OR51B5: variants seen among roughly 807,000 people sequenced by gnomAD.
OR51B5 encodes olfactory receptor 51B5.
For synonymous variants in OR51B5, 186 were observed against 144.8 expected (o/e 1.28, Z -2.04); for missense variants, 456 against 374.6 (o/e 1.22, Z -1.79).
chr11:5,459,076 G>A lies in OR51B5; in HGVS notation n.84+46493C>T, dbSNP rs117381153. 9.2e-5 allele frequency among the ~76,000 whole-genome samples: 14 copies of A among 152,234 alleles called. No homozygotes were observed. The East Asian group carries it at 2.7e-3, about 29-fold the overall frequency. ...CTAGCTTTTGCCCATTTAGTATGAT[G>A]TTGGCTGTTAGTTTCTCATAGACAG... On this transcript the variant is annotated intron_variant and non_coding_transcript_variant, in intron 1 of 4. Transcript: ENST00000415970.
Position 5,368,370 on chromosome 11 carries a change from C to G in OR51B5, n.85-21460G>C, listed in dbSNP as rs547853251. On this transcript the variant is annotated intron_variant and non_coding_transcript_variant, in intron 1 of 4. Coordinates refer to the OR51B5 transcript ENST00000415970. The stretch of plus-strand genomic sequence containing the variant: ...TTTAAGTGGGGATACCAATAGTACC[C>G]ACATGGTTGAATTATTTTAATGATT... Among the ~76,000 whole-genome samples, 6 of 152,176 alleles carry G rather than the reference C, an allele frequency of 3.9e-5. No homozygotes were observed. The East Asian group carries it at 1.2e-3, about 29-fold the overall frequency.
chr11:5,379,938 C>A (rs74729478), intron 1 of OR51B5, among the ~76,000 whole-genome samples: 16,767 of 151,710 alleles, frequency 0.11, 1,041 homozygotes, highest in South Asian at 0.15. Flanking sequence ...CAGATGCAAC[C>A]GCCCGATCTT....
intron 1 of OR51B5, among the ~76,000 whole-genome samples, chr11:5,410,210 G>A (rs935987986): frequency 3.9e-5 from 6 of 152,072 alleles, no homozygotes; most frequent in Non-Finnish European, 8.8e-5. Flanking sequence ...AGGTAAATAT[G>A]TAGAAGAAAG....
chr11:5,488,999 G>A (rs1266819408), intron 1 of OR51B5: 19 of 1,614,068 alleles, frequency 1.2e-5, no homozygotes, highest in Non-Finnish European at 1.6e-5. Flanking sequence ...ATTTCCTTTG[G>A]TGGATGCCTG....
chr11:5,369,096 T>C (rs1326333325), intron 1 of OR51B5, among the ~76,000 whole-genome samples: 1 of 152,152 alleles, frequency 6.6e-6, no homozygotes, highest in Non-Finnish European at 1.5e-5. Flanking sequence ...TTGGGCCACC[T>C]AGAGACATAT....
At chr11:5,498,363 T>A (rs7932480) in intron 1 of OR51B5, among the ~76,000 whole-genome samples, 3,052 of 152,298 alleles carry the variant, frequency 0.02, 109 homozygotes, top group African/African-American at 0.07. Context: ...TTAGCCAGGA[T>A]GTCCCTAACA....
chr11:5,360,884 C>G (rs907445732), intron 1 of OR51B5, among the ~76,000 whole-genome samples: 1 of 151,174 alleles, frequency 6.6e-6, no homozygotes, highest in African/African-American at 2.4e-5. Flanking sequence ...AGCAAACTAT[C>G]GCAAGGACAA....
At chr11:5,380,865 C>T (rs1849597402) in intron 1 of OR51B5, among the ~76,000 whole-genome samples, 1 of 152,120 alleles carries the variant, frequency 6.6e-6, no homozygotes, top group Non-Finnish European at 1.5e-5. Context: ...GCCACATTTT[C>T]TTGTGCCCTG....
At chr11:5,397,777 A>G (rs1404527145) in intron 1 of OR51B5, among the ~76,000 whole-genome samples, 2 of 151,204 alleles carry the variant, frequency 1.3e-5, no homozygotes, top group Middle Eastern at 3.4e-3. Context: ...CACTATTCAC[A>G]ATAGCAAAGA....
chr11:5,478,180 C>G (rs1851347697), intron 1 of OR51B5, among the ~76,000 whole-genome samples: 1 of 151,964 alleles, frequency 6.6e-6, no homozygotes, highest in Non-Finnish European at 1.5e-5. Flanking sequence ...GGGTAGACTG[C>G]CTCCTCAAGT....
intron 1 of OR51B5, chr11:5,403,071 C>G (rs746567967): frequency 4.2e-6 from 2 of 471,628 alleles, no homozygotes; most frequent in South Asian, 3.1e-5. Context: ...GCATTATGCT[C>G]ATGGCTCCGT....
chr11:5,374,195 C>A (rs896862219), intron 1 of OR51B5, among the ~76,000 whole-genome samples: 28 of 152,216 alleles, frequency 1.8e-4, no homozygotes, highest in Non-Finnish European at 3.4e-4. Flanking sequence ...GTTCTGCAGA[C>A]ACCGCTGCTG....
intron 1 of OR51B5, among the ~76,000 whole-genome samples, chr11:5,464,938 G>A (rs1414433676): frequency 1.3e-5 from 2 of 152,136 alleles, no homozygotes; most frequent in Admixed American, 1.3e-4. Flanking sequence ...TGGGCGCGGT[G>A]GCTCACGCCT....
intron 1 of OR51B5, among the ~76,000 whole-genome samples, chr11:5,443,371 A>G (rs1489739986): frequency 1.3e-5 from 2 of 152,068 alleles, no homozygotes; most frequent in African/African-American, 2.4e-5. Flanking sequence ...TCTCCTCCCA[A>G]TGAAAAGGCA....
At chr11:5,429,372 A>G (rs761404429) in intron 1 of OR51B5, among the ~76,000 whole-genome samples, 24 of 152,216 alleles carry the variant, frequency 1.6e-4, no homozygotes, top group Non-Finnish European at 2.2e-4. Flanking sequence ...AAGTATTTCA[A>G]AAAAGTCACA....
At chr11:5,369,217 T>G (rs1849415983) in intron 1 of OR51B5, among the ~76,000 whole-genome samples, 1 of 128,216 alleles carries the variant, frequency 7.8e-6, no homozygotes, top group African/African-American at 2.9e-5. Flanking sequence ...CCCTACTGAT[T>G]TTCTAGTACT....
intron 1 of OR51B5, among the ~76,000 whole-genome samples, chr11:5,399,586 T>C (rs989101175): frequency 6.6e-6 from 1 of 152,150 alleles, no homozygotes; most frequent in Non-Finnish European, 1.5e-5. Flanking sequence ...TTCTGATTTG[T>C]TGTGTCCTAT....
chr11:5,390,036 T>C (rs1361366579), intron 1 of OR51B5: 3 of 1,613,642 alleles, frequency 1.9e-6, no homozygotes, highest in Non-Finnish European at 1.7e-6. Flanking sequence ...TATGGACTGA[T>C]GGTGGTAGTT....
chr11:5,382,573 A>G (rs1589965751), intron 1 of OR51B5, among the ~76,000 whole-genome samples: 3 of 152,334 alleles, frequency 2.0e-5, no homozygotes, highest in East Asian at 1.9e-4. Context: ...ATAGGCTAAA[A>G]TCATGTTCTT....
Sources: gnomAD v4.1 joint callset for allele counts (sites outside exome capture counted in the v4.1 genomes callset) on GRCh38, gnomAD v4.1.1 for gene constraint, MANE v1.5 for transcripts, NCBI Gene and HGNC (gene_info 2026-07-23, HGNC 2026-07-21) for gene names.